LUZP2: variants seen among roughly 807,000 people sequenced by gnomAD.
LUZP2 encodes leucine zipper protein 2.
LUZP2 carries 52 observed loss-of-function variants against 51.6 expected under a neutral mutation model. The observed-to-expected ratio is 1.01, with a 90% CI of 0.81 to 1.27. LUZP2 has a LOEUF of 1.27. Among genes scored for constraint, LUZP2 ranks in the 50% most tolerant of loss-of-function variants. The pLI, the probability that LUZP2 is intolerant of heterozygous loss-of-function variation, is 0.00. For missense variants in LUZP2, 436 were observed against 395.4 expected (o/e 1.10, Z -0.87); for synonymous variants, 154 against 137.3 (o/e 1.12, Z -0.85).
chr11:24,995,599 G>C (rs922112529), intron 9 of LUZP2, among the ~76,000 whole-genome samples: 1 of 150,338 alleles, frequency 6.7e-6, no homozygotes, highest in African/African-American at 2.5e-5. Flanking sequence ...TAGTAAGCTA[G>C]GTTGACAGAT....
chr11:24,683,610 T>C (rs1856812004), intron 1 of LUZP2, among the ~76,000 whole-genome samples: 1 of 152,236 alleles, frequency 6.6e-6, no homozygotes, highest in African/African-American at 2.4e-5. Flanking sequence ...TTACATAGCA[T>C]ATTTAATCAT....
intron 4 of LUZP2, among the ~76,000 whole-genome samples, chr11:24,761,282 A>G (rs553580620): frequency 2.0e-5 from 3 of 152,264 alleles, no homozygotes; most frequent in African/African-American, 7.2e-5. Context: ...GGAGGAAGAC[A>G]GAGAAGGGGG....
At chr11:24,623,712 T>C (rs2133911666) in intron 1 of LUZP2, among the ~76,000 whole-genome samples, 1 of 152,210 alleles carries the variant, frequency 6.6e-6, no homozygotes, top group Non-Finnish European at 1.5e-5. Flanking sequence ...CCAGGAGTGG[T>C]GGCCGGTGCC....
chr11:24,619,149 T>G (rs1854404015), intron 1 of LUZP2, among the ~76,000 whole-genome samples: 1 of 151,960 alleles, frequency 6.6e-6, no homozygotes, highest in African/African-American at 2.4e-5. Flanking sequence ...CTGCTTCAGC[T>G]TCCTGAGTAG....
At chr11:24,735,466 T>C (rs2133978472) in intron 3 of LUZP2, among the ~76,000 whole-genome samples, 1 of 151,958 alleles carries the variant, frequency 6.6e-6, no homozygotes, top group African/African-American at 2.4e-5. Flanking sequence ...AGGTGGTTGG[T>C]TGGTAGATTC....
intron 1 of LUZP2, among the ~76,000 whole-genome samples, chr11:24,620,580 G>A (rs1854461059): frequency 6.6e-6 from 1 of 152,176 alleles, no homozygotes; most frequent in Admixed American, 6.5e-5. Flanking sequence ...CTTGGAAAAT[G>A]TCAAAATCCT....
intron 3 of LUZP2, among the ~76,000 whole-genome samples, chr11:24,733,542 T>G (rs1239736386): frequency 6.6e-6 from 1 of 151,628 alleles, no homozygotes; most frequent in Non-Finnish European, 1.5e-5. Context: ...TACCACCTAA[T>G]CTCACTCTTA....
intron 1 of LUZP2, among the ~76,000 whole-genome samples, chr11:24,499,795 A>G (rs963981571): frequency 3.9e-5 from 6 of 152,086 alleles, no homozygotes; most frequent in Admixed American, 1.3e-4. Context: ...GTTTCATTAT[A>G]TCTTTCTCTG....
At chr11:24,865,218 T>A (rs1851854988) in intron 5 of LUZP2, among the ~76,000 whole-genome samples, 1 of 152,340 alleles carries the variant, frequency 6.6e-6, no homozygotes, top group African/African-American at 2.4e-5. Context: ...CCCTCTCAGG[T>A]AATGTCAGCT....
chr11:25,032,249 A>G (rs1857711531), intron 9 of LUZP2, among the ~76,000 whole-genome samples: 1 of 152,150 alleles, frequency 6.6e-6, no homozygotes, highest in African/African-American at 2.4e-5. Context: ...ACTTTAGGAT[A>G]ATGAATTTGT....
intron 6 of LUZP2, among the ~76,000 whole-genome samples, chr11:24,912,514 A>G (rs1187470175): frequency 1.3e-5 from 2 of 152,126 alleles, no homozygotes. Flanking sequence ...CTGCATAATT[A>G]GAAATATTCT....
intron 1 of LUZP2, among the ~76,000 whole-genome samples, chr11:24,684,473 G>C (rs961063711): frequency 6.6e-6 from 1 of 152,116 alleles, no homozygotes; most frequent in African/African-American, 2.4e-5. Context: ...TGGTTTCTTA[G>C]GACTAATCCA....
chr11:24,768,815 C>G (rs1453382268), intron 5 of LUZP2, among the ~76,000 whole-genome samples: 2 of 152,126 alleles, frequency 1.3e-5, no homozygotes, highest in African/African-American at 4.8e-5. Context: ...TCAGTGAGTA[C>G]AGCCATTATG....
At chr11:24,952,828 C>G (rs1855115437) in intron 7 of LUZP2, among the ~76,000 whole-genome samples, 1 of 151,846 alleles carries the variant, frequency 6.6e-6, no homozygotes. Context: ...ATAGAATGTG[C>G]TAAGAAATGT....
chr11:24,673,964 T>C (rs1479512624), intron 1 of LUZP2, among the ~76,000 whole-genome samples: 1 of 152,224 alleles, frequency 6.6e-6, no homozygotes, highest in Non-Finnish European at 1.5e-5. Flanking sequence ...ATAAATCCCT[T>C]GAGTGCCTCT....
chr11:24,787,237 T>A (rs565287981), intron 5 of LUZP2, among the ~76,000 whole-genome samples: 90 of 152,296 alleles, frequency 5.9e-4, no homozygotes, highest in African/African-American at 2.1e-3. Flanking sequence ...GTATCAGTTG[T>A]GTTGTGCCAT....
intron 5 of LUZP2, among the ~76,000 whole-genome samples, chr11:24,874,650 G>T (rs947297319): frequency 1.3e-5 from 2 of 152,122 alleles, no homozygotes; most frequent in Admixed American, 6.6e-5. Context: ...TCATCACATG[G>T]ATAAGTGCCT....
intron 5 of LUZP2, chr11:24,891,431 T>C: frequency 2.1e-6 from 2 of 959,648 alleles, no homozygotes; most frequent in Non-Finnish European, 2.5e-6. Flanking sequence ...AAAGAACAAC[T>C]GGAAAACACC....
At chr11:24,987,883 T>C (rs1856233062) in intron 9 of LUZP2, among the ~76,000 whole-genome samples, 1 of 151,922 alleles carries the variant, frequency 6.6e-6, no homozygotes. Context: ...ATCTTCAAAT[T>C]ATTATGGGCT....
Sources: allele counts gnomAD v4.1 joint callset (sites outside exome capture counted in the v4.1 genomes callset), GRCh38; gene constraint gnomAD v4.1.1; transcripts MANE v1.5; gene names NCBI Gene and HGNC (gene_info 2026-07-23, HGNC 2026-07-21).